The following PDZRN3 variants were observed in gnomAD, a reference collection of about 807,000 sequenced individuals.
PDZRN3 encodes PDZ domain containing ring finger 3, also known as E3 ubiquitin-protein ligase PDZRN3.
Under a neutral mutation model 85.7 loss-of-function variants are expected in PDZRN3, and 38 were observed. The observed-to-expected ratio is 0.44, with a 90% CI of 0.34 to 0.58. PDZRN3 has a LOEUF of 0.58. Among genes scored for constraint, PDZRN3 ranks in the 20% least tolerant of loss-of-function variants. The probability of loss-of-function intolerance (pLI) is 0.01; values close to 1 mark genes in which losing one functional copy is unlikely to be tolerated. For synonymous variants in PDZRN3, 759 were observed against 638.0 expected, an observed-to-expected ratio of 1.19 and a Z score of -2.86; for missense variants, 1,629 against 1,506.4, an observed-to-expected ratio of 1.08 and a Z score of -1.35.
chr3:73,424,664 A>T, intron 3 of PDZRN3, among the ~76,000 whole-genome samples: 1 of 152,102 alleles, frequency 6.6e-6, no homozygotes, highest in Admixed American at 6.5e-5. Context: ...ACAACCAGGG[A>T]AGAAGAGGAA....
intron 3 of PDZRN3, among the ~76,000 whole-genome samples, chr3:73,514,986 T>C (rs1008149557): frequency 1.3e-5 from 2 of 152,106 alleles, no homozygotes; most frequent in Non-Finnish European, 2.9e-5. Flanking sequence ...AAATCTAGCA[T>C]ACCTGATTGT....
In PDZRN3 at chr3:73,601,700, CA is replaced by C. The variant is rs377511463; in HGVS notation, c.918+653del. Among the ~76,000 whole-genome samples the C allele has an allele frequency of 3.6e-3, 547 of 152,282 alleles. 4 individuals carry two copies. Among genetic ancestry groups the C allele is most frequent in the African/African-American group, 0.013 (522 of 41,550 alleles). Reference sequence around the variant, plus strand: ...ATCCTAGAACACTGCAACCCTGTTACAAAGTGTTGTCTGGTGGGGCTGAGAG... The same window carrying C: ...ATCCTAGAACACTGCAACCCTGTTACAAGTGTTGTCTGGTGGGGCTGAGAG... On this transcript the variant is annotated intron_variant, in intron 3 of 9. Transcript: ENST00000263666.
intron 3 of PDZRN3, among the ~76,000 whole-genome samples, chr3:73,419,674 G>A (rs148562389): frequency 3.6e-4 from 55 of 151,948 alleles, no homozygotes; most frequent in Non-Finnish European, 7.1e-4. Context: ...TCGTTTCATC[G>A]TGCCTTACAG....
chr3:73,510,631 AG>A (rs1208484153), intron 3 of PDZRN3, among the ~76,000 whole-genome samples: 1 of 152,156 alleles, frequency 6.6e-6, no homozygotes, highest in African/African-American at 2.4e-5. Flanking sequence ...GGAGTCAAGG[AG>A]GTAGATCCAA....
intron 3 of PDZRN3, among the ~76,000 whole-genome samples, chr3:73,488,962 G>C (rs1289428893): frequency 6.6e-6 from 1 of 152,198 alleles, no homozygotes; most frequent in Non-Finnish European, 1.5e-5. Context: ...GGGTGGGCAT[G>C]ACAGTGCCAC....
chr3:73,619,249 G>C (rs1286820524), intron 1 of PDZRN3, among the ~76,000 whole-genome samples: 1 of 152,158 alleles, frequency 6.6e-6, no homozygotes, highest in African/African-American at 2.4e-5. Context: ...TTTCAATCTT[G>C]AACTCATCAC....
chr3:73,443,993 T>A (rs1438761552), intron 3 of PDZRN3, among the ~76,000 whole-genome samples: 1 of 152,210 alleles, frequency 6.6e-6, no homozygotes, highest in African/African-American at 2.4e-5. Flanking sequence ...GTAACATGGC[T>A]GGAACGAACG....
At chr3:73,407,957 C>G (rs1484970526) in intron 3 of PDZRN3, 6 of 591,204 alleles carry the variant, frequency 1.0e-5, no homozygotes, top group Non-Finnish European at 1.8e-5. Flanking sequence ...AAAGGGAGAA[C>G]TGGGACTTTG....
At chr3:73,408,695 C>T (rs1375354102) in intron 3 of PDZRN3, among the ~76,000 whole-genome samples, 1 of 152,080 alleles carries the variant, frequency 6.6e-6, no homozygotes, top group African/African-American at 2.4e-5. Flanking sequence ...GATGATGAGA[C>T]AAGGCGGGAG....
At chr3:73,506,759 C>T (rs370537415) in intron 3 of PDZRN3, among the ~76,000 whole-genome samples, 2 of 152,024 alleles carry the variant, frequency 1.3e-5, no homozygotes, top group Non-Finnish European at 2.9e-5. Context: ...ATATAATTAT[C>T]TTCAGGCACG....
chr3:73,402,306 T>C (rs998401409), intron 4 of PDZRN3: 4 of 152,178 alleles, frequency 2.6e-5, no homozygotes, highest in Admixed American at 2.6e-4. Context: ...TCATCAATAA[T>C]GTGAGGCAGT....
intron 3 of PDZRN3, among the ~76,000 whole-genome samples, chr3:73,519,590 C>A (rs7619021): frequency 0.95 from 144,644 of 152,192 alleles, 69,160 homozygotes; most frequent in Non-Finnish European, 1. Flanking sequence ...AATGGAGATA[C>A]CCCCAGCTTT....
At chr3:73,554,931 T>C (rs1441506587) in intron 3 of PDZRN3, among the ~76,000 whole-genome samples, 1 of 152,220 alleles carries the variant, frequency 6.6e-6, no homozygotes, top group Non-Finnish European at 1.5e-5. Context: ...TTCTCTTACA[T>C]TTTTCCACAT....
chr3:73,501,631 G>A (rs1703980680), intron 3 of PDZRN3, among the ~76,000 whole-genome samples: 1 of 152,202 alleles, frequency 6.6e-6, no homozygotes, highest in African/African-American at 2.4e-5. Context: ...GGCTCTCAGG[G>A]TGTCAAAGGA....
At chr3:73,517,618 C>A (rs1704279164) in intron 3 of PDZRN3, among the ~76,000 whole-genome samples, 1 of 152,172 alleles carries the variant, frequency 6.6e-6, no homozygotes, top group African/African-American at 2.4e-5. Flanking sequence ...TTTGTAGAAT[C>A]TATAGCAATG....
chr3:73,400,882 A>C (rs1701734731), intron 5 of PDZRN3, 40 bp downstream of exon 5: 1 of 1,383,550 alleles, frequency 7.2e-7, no homozygotes, highest in African/African-American at 1.4e-5. Context: ...CTGTGTTCTT[A>C]ATAATGACTC....
chr3:73,494,936 A>C (rs1194857257), intron 3 of PDZRN3, among the ~76,000 whole-genome samples: 1 of 152,202 alleles, frequency 6.6e-6, no homozygotes, highest in African/African-American at 2.4e-5. Flanking sequence ...AAACCAAATA[A>C]TGCATATTCT....
intron 3 of PDZRN3, among the ~76,000 whole-genome samples, chr3:73,518,189 C>T (rs1375040599): frequency 1.3e-5 from 2 of 152,172 alleles, no homozygotes; most frequent in Non-Finnish European, 2.9e-5. Flanking sequence ...AAAGGAAATT[C>T]TGATACATGC....
chr3:73,506,481 T>C (rs531940581), intron 3 of PDZRN3, among the ~76,000 whole-genome samples: 2 of 152,078 alleles, frequency 1.3e-5, no homozygotes, highest in African/African-American at 2.4e-5. Context: ...AGAAATACAA[T>C]TGGCTAATGA....
Sources: allele counts gnomAD v4.1 joint callset (sites outside exome capture counted in the v4.1 genomes callset), GRCh38; gene constraint gnomAD v4.1.1; transcripts MANE v1.5; gene names NCBI Gene and HGNC (gene_info 2026-07-23, HGNC 2026-07-21).